Variants in SYTL5 observed in about 807,000 individuals in gnomAD.
The protein encoded by SYTL5 is synaptotagmin-like protein 5.
In SYTL5, 34 loss-of-function variants were observed where a neutral mutation model predicts 55.9. The observed-to-expected ratio is 0.61, with a 90% CI of 0.46 to 0.81. The LOEUF is 0.81. SYTL5 is among the 30% of genes least tolerant of loss of function. The probability of loss-of-function intolerance (pLI) is 0.00; values close to 1 mark genes in which losing one functional copy is unlikely to be tolerated. For synonymous variants in SYTL5, 221 were observed against 188.7 expected, an observed-to-expected ratio of 1.17 and a Z score of -1.40; for missense variants, 637 against 546.7, an observed-to-expected ratio of 1.17 and a Z score of -1.65.
the SYTL5 span, among the ~76,000 whole-genome samples, chrX:37,995,322 A>G: frequency 1.8e-5 from 2 of 111,886 alleles, no homozygotes; most frequent in East Asian, 5.6e-4. Flanking sequence ...AAGAGGGCAC[A>G]CGGGCTGGCA....
chrX:38,009,265 T>TAGTGATATTTAAGTGG (rs1194754535), intron 1 of SYTL5, among the ~76,000 whole-genome samples: 2 of 112,168 alleles, frequency 1.8e-5, no homozygotes, highest in African/African-American at 3.2e-5. Context: ...TAGTTTTAAA[T>TAGTGATATTTAAGTGG]ATCACCTCTA....
chrX:37,959,924 A>G, the SYTL5 span, among the ~76,000 whole-genome samples: 1 of 111,697 alleles, frequency 9.0e-6, no homozygotes, highest in East Asian at 2.8e-4. Context: ...CAGCTCTTAC[A>G]TTCTGCACAT....
At chrX:37,941,429 T>C in the SYTL5 span, among the ~76,000 whole-genome samples, 4 of 111,848 alleles carry the variant, frequency 3.6e-5, no homozygotes, top group East Asian at 8.4e-4. Flanking sequence ...ACATATGAAG[T>C]TCAGAGACCA....
Position 38,064,304 on chromosome X carries a change from T to C in SYTL5, c.330-7743T>C, listed in dbSNP as rs779765419. 2.3e-4 allele frequency among the ~76,000 whole-genome samples: 26 copies of C among 111,598 alleles called. 1 individual carries two copies. In the South Asian group the frequency reaches 9.8e-3, roughly 42 times the overall value. On this transcript the variant is annotated intron_variant, in intron 3 of 16. Coordinates refer to ENST00000297875, the MANE Select transcript of SYTL5 (RefSeq NM_138780.3). ...TGTAACAATCAAAACCCCACTAGCA[T>C]TGTATAAGTGTTTCCTTTACTTCAT...
the SYTL5 span, among the ~76,000 whole-genome samples, chrX:37,904,563 G>A: frequency 9.0e-6 from 1 of 111,158 alleles, no homozygotes; most frequent in Non-Finnish European, 1.9e-5. Context: ...GAAGGTCCTG[G>A]ATAGTAGACT....
At chrX:38,123,616 G>A (rs1252371181) in intron 15 of SYTL5, among the ~76,000 whole-genome samples, 5 of 112,044 alleles carry the variant, frequency 4.5e-5, no homozygotes, top group Admixed American at 1.9e-4. Context: ...CTACCATCCA[G>A]TTTAAGCTTC....
the SYTL5 span, among the ~76,000 whole-genome samples, chrX:37,999,436 AC>A: frequency 8.9e-6 from 1 of 112,530 alleles, no homozygotes; most frequent in Admixed American, 9.4e-5. Context: ...AATATCTCTA[AC>A]TTATTAAAGC....
chrX:37,986,723 AGT>A, the SYTL5 span, among the ~76,000 whole-genome samples: 1 of 111,728 alleles, frequency 9.0e-6, no homozygotes, highest in Non-Finnish European at 1.9e-5. Context: ...ACAGATCAAT[AGT>A]GATTCATATA....
chrX:38,054,611 T>TGAGAGAGAGA (rs3067495), intron 3 of SYTL5, among the ~76,000 whole-genome samples, 189 bp downstream of exon 3: 160 of 95,413 alleles, frequency 1.7e-3, no homozygotes, highest in Non-Finnish European at 3.0e-3. Context: ...TGTGTGTATG[T>TGAGAGAGAGA]GAGAGAGAGA....
chrX:37,928,484 A>T, the SYTL5 span, among the ~76,000 whole-genome samples: 1 of 111,355 alleles, frequency 9.0e-6, no homozygotes, highest in Non-Finnish European at 1.9e-5. Flanking sequence ...TACCAAGTTG[A>T]GTAACTGCCA....
the SYTL5 span, among the ~76,000 whole-genome samples, chrX:37,908,574 C>T: frequency 1.8e-5 from 2 of 111,520 alleles, no homozygotes; most frequent in East Asian, 5.6e-4. Flanking sequence ...AACCTGTGAT[C>T]GTATCAATGT....
At chrX:37,958,213 A>C in the SYTL5 span, among the ~76,000 whole-genome samples, 1 of 110,063 alleles carries the variant, frequency 9.1e-6, no homozygotes, top group African/African-American at 3.3e-5. Context: ...CATCTCAAAA[A>C]AAAAAAAACA....
chrX:38,125,993 C>G (rs1413558159), intron 16 of SYTL5, among the ~76,000 whole-genome samples: 1 of 111,674 alleles, frequency 9.0e-6, no homozygotes, highest in Non-Finnish European at 1.9e-5. Context: ...TTGTTAAAAA[C>G]AGATCAAGGA....
chrX:37,909,595 G>A, the SYTL5 span, among the ~76,000 whole-genome samples: 1 of 111,327 alleles, frequency 9.0e-6, no homozygotes, highest in East Asian at 2.8e-4. Context: ...GACACCCCTG[G>A]AGTAGATTAG....
At chrX:38,011,573 G>T (rs1308253259) in intron 1 of SYTL5, among the ~76,000 whole-genome samples, 2 of 109,487 alleles carry the variant, frequency 1.8e-5, no homozygotes, top group African/African-American at 6.7e-5. Context: ...GGCGGAGTTT[G>T]CAGTGAGCCA....
At chrX:38,068,014 A>G (rs750216258) in intron 3 of SYTL5, among the ~76,000 whole-genome samples, 27 of 112,211 alleles carry the variant, frequency 2.4e-4, no homozygotes, top group Non-Finnish European at 4.7e-4. Flanking sequence ...AGAATGGGAG[A>G]AACTATTTGG....
intron 6 of SYTL5, among the ~76,000 whole-genome samples, chrX:38,085,545 C>T (rs921809614): frequency 8.9e-6 from 1 of 112,146 alleles, no homozygotes; most frequent in Non-Finnish European, 1.9e-5. Context: ...GCCATCTTTC[C>T]TGCATATTCA....
At position 38,122,118 on chromosome X, in the gene SYTL5, C is replaced by A. The variant is rs202096216; in HGVS notation, c.1744C>A (p.Pro582Thr). 34 of 1,200,868 alleles carry A rather than the reference C, an allele frequency of 2.8e-5. No individual in the cohort carries two copies. The highest frequency in any genetic ancestry group is 3.4e-5 in the Non-Finnish European group (30 of 889,675). ...TFKKGKKKES[P>T]VISGGILEVF... ...TAAAAAGGGAAAGAAGAAGGAGTCA[C>A]CTGTAATCTCTGGAGGAATACTAGA... is the stretch of plus-strand genomic sequence containing the variant. The change falls in exon 15 of 17, where the codon CCT becomes ACT. Residue 582 changes from proline (P) to threonine (T), a missense_variant. Physicochemically the swap from Pro to Thr is conservative, Grantham distance 38 (BLOSUM62 -1). Transcript: ENST00000297875.
the SYTL5 span, among the ~76,000 whole-genome samples, chrX:37,908,892 T>A: frequency 7.4e-4 from 82 of 111,224 alleles, no homozygotes; most frequent in African/African-American, 2.6e-3. Flanking sequence ...AAGGATTTAG[T>A]GAGGAAAAAA....
Sources: gnomAD v4.1 joint callset for allele counts (sites outside exome capture counted in the v4.1 genomes callset) on GRCh38, gnomAD v4.1.1 for gene constraint, MANE v1.5 for transcripts, NCBI Gene and HGNC (gene_info 2026-07-23, HGNC 2026-07-21) for gene names.